GTF2A1L: variants seen among roughly 807,000 people sequenced by gnomAD.
The protein encoded by GTF2A1L is TFIIA-alpha and beta-like factor.
In GTF2A1L, 48 loss-of-function variants were observed where a neutral mutation model predicts 49.7. The ratio of observed to expected loss-of-function variants is 0.97; its 90% confidence interval spans 0.77 to 1.23. GTF2A1L has a LOEUF of 1.23. GTF2A1L is among the 50% of genes most tolerant of loss of function. The pLI is 0.00. For missense variants in GTF2A1L, 736 were observed against 564.8 expected (o/e 1.30, Z -3.07); for synonymous variants, 246 against 193.5 (o/e 1.27, Z -2.25).
chr2:48,674,543 A>C (rs1263403031), intron 8 of GTF2A1L, among the ~76,000 whole-genome samples: 1 of 152,226 alleles, frequency 6.6e-6, no homozygotes, highest in Non-Finnish European at 1.5e-5. Flanking sequence ...AAATATAAAC[A>C]TAAGAAGGAA....
intron 8 of GTF2A1L, among the ~76,000 whole-genome samples, chr2:48,673,524 G>A (rs1250488223): frequency 4.0e-5 from 6 of 151,762 alleles, no homozygotes; most frequent in Non-Finnish European, 7.4e-5. Context: ...CACCACGCCC[G>A]GATAATTTTT....
At chr2:48,649,047 G>A (rs537912977) in intron 6 of GTF2A1L, among the ~76,000 whole-genome samples, 1 of 152,222 alleles carries the variant, frequency 6.6e-6, no homozygotes, top group East Asian at 1.9e-4. Flanking sequence ...AAGAGGTAAG[G>A]ATCTATGTTG....
rs749309496 is a variant in GTF2A1L at position 48,646,818 on chromosome 2, C to T, written c.754C>T (p.Gln252Ter). 2.5e-6 allele frequency: 4 copies of T among 1,614,056 alleles called. No individual in the cohort carries two copies. The African/African-American group carries it at 4.0e-5, about 16-fold the overall frequency. Residue 252 changes from glutamine to a stop codon, truncating the protein, a stop_gained, in exon 6 of 9, where the codon CAG becomes TAG. Transcript: ENST00000403751. LOFTEE classifies it high-confidence loss of function. ...TCTTCCAGGTGTTGTATTTTCTCCA[C>T]AGGTCTCTCAAACAAATTCTAATGT... is the stretch of plus-strand genomic sequence containing the variant. ...ISLPGVVFSP[Q>*]VSQTNSNVES...
intron 3 of GTF2A1L, among the ~76,000 whole-genome samples, chr2:48,624,714 T>C (rs1240268540): frequency 7.0e-6 from 1 of 142,696 alleles, no homozygotes; most frequent in African/African-American, 2.5e-5. Context: ...ATTTTCTCCC[T>C]TCCTGCCTCT....
At chr2:48,649,424 T>C (rs1376464126) in intron 6 of GTF2A1L, among the ~76,000 whole-genome samples, 3 of 152,208 alleles carry the variant, frequency 2.0e-5, no homozygotes, top group Non-Finnish European at 4.4e-5. Flanking sequence ...TAGTCTCTTC[T>C]ACCTCTTACT....
intron 6 of GTF2A1L, among the ~76,000 whole-genome samples, chr2:48,648,702 G>T (rs1414491750): frequency 2.6e-5 from 4 of 151,998 alleles, no homozygotes; most frequent in Non-Finnish European, 5.9e-5. Context: ...AAAGCTTCTG[G>T]CACCATAGTA....
chr2:48,629,901 G>C (rs1181731723), intron 3 of GTF2A1L, among the ~76,000 whole-genome samples: 2 of 143,616 alleles, frequency 1.4e-5, no homozygotes, highest in Non-Finnish European at 1.6e-5. Context: ...TATTTTTGTC[G>C]ACTTTGTCAA....
At chr2:48,647,271 G>A (rs1677573871) in intron 6 of GTF2A1L, among the ~76,000 whole-genome samples, 1 of 152,036 alleles carries the variant, frequency 6.6e-6, no homozygotes, top group South Asian at 2.1e-4. Context: ...CAGATCAGTA[G>A]TGTTATATAC....
intron 3 of GTF2A1L, among the ~76,000 whole-genome samples, chr2:48,630,795 T>G (rs1281695472): frequency 3.9e-5 from 6 of 152,044 alleles, no homozygotes; most frequent in East Asian, 1.9e-4. Context: ...AATGCCTAGT[T>G]TCTTGAGGGT....
At chr2:48,636,662 T>C (rs1238438522) in intron 3 of GTF2A1L, among the ~76,000 whole-genome samples, 2 of 152,210 alleles carry the variant, frequency 1.3e-5, no homozygotes, top group Non-Finnish European at 2.9e-5. Context: ...CTGAAAATGG[T>C]CTTAGGTAGC....
At chr2:48,645,161 C>G in intron 5 of GTF2A1L, 44 bp downstream of exon 5, 2 of 1,541,036 alleles carry the variant, frequency 1.3e-6, no homozygotes, top group Non-Finnish European at 1.8e-6. Context: ...AGCATTGGTA[C>G]TATTTTTTGG....
At chr2:48,618,790 G>C (rs562057515) in intron 1 of GTF2A1L, among the ~76,000 whole-genome samples, 58 of 152,310 alleles carry the variant, frequency 3.8e-4, no homozygotes, top group African/African-American at 1.3e-3. Context: ...GAGGAGTTAA[G>C]ATGGACTAGA....
chr2:48,619,493 AAT>A (rs1675856458), intron 1 of GTF2A1L, among the ~76,000 whole-genome samples: 1 of 151,242 alleles, frequency 6.6e-6, no homozygotes, highest in African/African-American at 2.4e-5. Context: ...TAATAATAAT[AAT>A]AAAAAAAAAG....
intron 8 of GTF2A1L, among the ~76,000 whole-genome samples, chr2:48,672,800 C>T (rs527514606): frequency 1.7e-4 from 26 of 152,188 alleles, no homozygotes; most frequent in African/African-American, 1.7e-4. Flanking sequence ...GTATACAATT[C>T]GCCTATTTAA....
chr2:48,637,155 A>G (rs974997804), intron 3 of GTF2A1L, among the ~76,000 whole-genome samples: 3 of 152,220 alleles, frequency 2.0e-5, no homozygotes, highest in African/African-American at 4.8e-5. Context: ...GCTAATGCGT[A>G]TTCACAAAGA....
At chr2:48,635,636 C>A (rs1051448314) in intron 3 of GTF2A1L, among the ~76,000 whole-genome samples, 1 of 152,054 alleles carries the variant, frequency 6.6e-6, no homozygotes, top group East Asian at 1.9e-4. Flanking sequence ...AATTCCAATA[C>A]CTACTTCTGA....
chr2:48,668,441 C>G (rs774429859), intron 6 of GTF2A1L: 1 of 152,014 alleles, frequency 6.6e-6, no homozygotes. Context: ...ATAAAACAGC[C>G]CCTGATCTTA....
intron 3 of GTF2A1L, among the ~76,000 whole-genome samples, chr2:48,627,711 A>G (rs1319564434): frequency 7.0e-6 from 1 of 143,456 alleles, no homozygotes; most frequent in African/African-American, 2.5e-5. Context: ...AAAAGAGGCC[A>G]TGTTTTTTTT....
intron 6 of GTF2A1L, among the ~76,000 whole-genome samples, chr2:48,666,274 C>G (rs886870919): frequency 1.3e-5 from 2 of 151,622 alleles, no homozygotes; most frequent in African/African-American, 2.4e-5. Flanking sequence ...GGCGCGATCT[C>G]AGCTCACTGC....
Sources: gnomAD v4.1 joint callset for allele counts (sites outside exome capture counted in the v4.1 genomes callset) on GRCh38, gnomAD v4.1.1 for gene constraint, MANE v1.5 for transcripts, NCBI Gene and HGNC (gene_info 2026-07-23, HGNC 2026-07-21) for gene names.